Variants in PPP2R5D observed in about 807,000 individuals in gnomAD.
PPP2R5D encodes the protein serine/threonine-protein phosphatase 2A 56 kDa regulatory subunit delta isoform.
PPP2R5D carries 12 observed loss-of-function variants against 79.1 expected under a neutral mutation model. That is an observed-to-expected ratio of 0.15 (90% CI 0.10 to 0.25). The LOEUF is 0.25. Ranked by LOEUF, PPP2R5D falls within the 10% of genes least tolerant of loss-of-function variation. The pLI is 1.00. For missense variants in PPP2R5D, 419 were observed against 760.2 expected, an observed-to-expected ratio of 0.55 and a Z score of 5.28; for synonymous variants, 277 against 286.6, an observed-to-expected ratio of 0.97 and a Z score of 0.34.
At position 43,010,893 on chromosome 6, in the gene PPP2R5D, C is replaced by T. The variant is rs374997642; in HGVS notation, c.1567C>T (p.Arg523Ter). The T allele has an allele frequency of 3.7e-6, 6 of 1,613,450 alleles. No homozygotes were observed. Among genetic ancestry groups the T allele is most frequent in the Non-Finnish European group, 5.1e-6 (6 of 1,179,660 alleles). ...TCTCCTCACTCAGTATCCCATGTTC[C>T]GAGCCCCTCCACCACTGCCCCCTGT... is the stretch of plus-strand genomic sequence containing the variant. ...ARLNPQYPMFRAPPPLPPVYS... is the reference protein window; with the variant it reads ...ARLNPQYPMF Residue 523 changes from arginine (R) to a stop codon, truncating the protein, a stop_gained, in exon 15 of 16, where the codon CGA becomes TGA. Transcript: ENST00000485511. LOFTEE classifies it high-confidence loss of function. This position sits in a 1 kb window ranked among gnomAD's most constrained non-coding sequence, Gnocchi z 4.7.
At position 43,008,840 on chromosome 6, in the gene PPP2R5D, G is replaced by C. The variant is rs1383963890; in HGVS notation, c.1080+94G>C. The stretch of plus-strand genomic sequence containing the variant: ...GGGGGTGCCATAAGGGGGAACTCAG[G>C]AGGGCTGTGACCTGACCGGTAACAT... On this transcript the variant is annotated intron_variant, in intron 10 of 15. Coordinates refer to ENST00000485511, the MANE Select transcript of PPP2R5D (RefSeq NM_006245.4). This position sits in a 1 kb window ranked among gnomAD's most constrained non-coding sequence, Gnocchi z 4.2. 7.0e-7 allele frequency: 1 copy of C among 1,430,470 alleles called. No individual in the cohort carries two copies. Among genetic ancestry groups the C allele is most frequent in the East Asian group, 2.4e-5 (1 of 41,904 alleles). 88.6% of individuals were successfully genotyped at this position (1,430,470 alleles called of 1,614,324 possible).
At chr6:42,989,245 C>T (rs550688090) in intron 1 of PPP2R5D, among the ~76,000 whole-genome samples, 7 of 152,296 alleles carry the variant, frequency 4.6e-5, no homozygotes, top group African/African-American at 1.2e-4. Context: ...ACCACTTTAG[C>T]CAGAAACCAG....
chr6:43,011,056 CAG>C, intron 15 of PPP2R5D, 59 bp downstream of exon 15: 1 of 1,608,766 alleles, frequency 6.2e-7, no homozygotes, highest in Non-Finnish European at 8.5e-7. Context: ...GGAGAGGAGA[CAG>C]AAACAGCAGA....
In PPP2R5D at chr6:43,002,257, G is replaced by A. The variant is rs193233914; in HGVS notation, c.106-4206G>A. ...CAGCTCACTGCAACCTCTGCCTCCCGAGTTCAAGAGATTCTCCTGCCCCAG... is the reference window on the plus strand; with the variant it reads ...CAGCTCACTGCAACCTCTGCCTCCCAAGTTCAAGAGATTCTCCTGCCCCAG... On this transcript the variant is annotated intron_variant, in intron 2 of 15. Coordinates refer to ENST00000485511, the MANE Select transcript of PPP2R5D (RefSeq NM_006245.4). Among the ~76,000 whole-genome samples the A allele has an allele frequency of 3.2e-3, 488 of 151,352 alleles. 2 individuals are homozygous for A. Among genetic ancestry groups the A allele is most frequent in the African/African-American group, 0.011 (468 of 41,240 alleles).
At chr6:43,001,519 T>C (rs567346024) in intron 2 of PPP2R5D, among the ~76,000 whole-genome samples, 1 of 152,266 alleles carries the variant, frequency 6.6e-6, no homozygotes, top group African/African-American at 2.4e-5. Flanking sequence ...GATTCTAGGC[T>C]GCATTCCTAA....
At position 43,008,093 on chromosome 6, in the gene PPP2R5D, C is replaced by CA; in HGVS notation, c.857+32dup. The CA allele has an allele frequency of 6.2e-7, 1 of 1,613,880 alleles. No individual in the cohort carries two copies. Among genetic ancestry groups the CA allele is most frequent in the Non-Finnish European group, 8.5e-7 (1 of 1,179,822 alleles). On this transcript the variant is annotated intron_variant, in intron 7 of 15. Coordinates refer to ENST00000485511, the MANE Select transcript of PPP2R5D (RefSeq NM_006245.4). The surrounding 1 kb of genome is among the most constrained non-coding windows in gnomAD (Gnocchi z 4.2). The stretch of plus-strand genomic sequence containing the variant: ...GAGGCCAGGAGCCCAGGCTTAGGAG[C>CA]AAAACCTTCTGCTACTGAGGTGGGG...
Position 43,012,331 on chromosome 6 carries a change from G to A in PPP2R5D, c.*1045G>A. On this transcript the variant is annotated 3_prime_UTR_variant, in exon 16 of 16. Coordinates refer to ENST00000485511, the MANE Select transcript of PPP2R5D (RefSeq NM_006245.4). ...CATATGTACAGAACTGAATAAAGTG[G>A]GTCTCTGAGAAGTCTGATGTGCCTT... is the stretch of plus-strand genomic sequence containing the variant. 2.7e-6 allele frequency: 4 copies of A among 1,470,078 alleles called. No homozygotes were observed. The South Asian group carries it at 5.9e-5, about 22-fold the overall frequency. 91.1% of individuals were successfully genotyped at this position (1,470,078 alleles called of 1,614,324 possible). A position where few individuals can be genotyped will look rare whatever the true frequency, so the allele number is the denominator to read the frequency against.
chr6:43,012,246 G>A lies in PPP2R5D; in HGVS notation c.*960G>A. 4 of 1,271,546 alleles carry A rather than the reference G, an allele frequency of 3.1e-6. No individual in the cohort carries two copies. Among genetic ancestry groups the A allele is most frequent in the Non-Finnish European group, 4.0e-6 (4 of 1,006,732 alleles). 78.8% of individuals were successfully genotyped at this position (1,271,546 alleles called of 1,614,324 possible). ...TGCGGCTTTTGGCTGTGTACATAGGGTGCTTTATTCTCCACAGAGTGATAC... is the reference window on the plus strand; with the variant it reads ...TGCGGCTTTTGGCTGTGTACATAGGATGCTTTATTCTCCACAGAGTGATAC... On this transcript the variant is annotated 3_prime_UTR_variant, in exon 16 of 16. Transcript: ENST00000485511.
chr6:43,010,615 T>A lies in PPP2R5D; in HGVS notation c.1481+46T>A. 1 of 1,613,056 alleles carries A rather than the reference T, an allele frequency of 6.2e-7. No homozygotes were observed. Among genetic ancestry groups the A allele is most frequent in the Non-Finnish European group, 8.5e-7 (1 of 1,179,006 alleles). ...GAGACTTTCATCTTCTACCACCAGC[T>A]CACTGTGTTTCTCTCAAGCCCAACC... On this transcript the variant is annotated intron_variant, in intron 13 of 15. Coordinates refer to ENST00000485511, the MANE Select transcript of PPP2R5D (RefSeq NM_006245.4). The surrounding 1 kb of genome is among the most constrained non-coding windows in gnomAD (Gnocchi z 4.7).
chr6:42,991,735 C>T (rs941344099), intron 2 of PPP2R5D, among the ~76,000 whole-genome samples: 1 of 152,184 alleles, frequency 6.6e-6, no homozygotes, highest in African/African-American at 2.4e-5. Flanking sequence ...TAGGGTCTAA[C>T]GTTATCAGTT....
Position 43,007,400 on chromosome 6 carries a change from CT to C in PPP2R5D, c.634-10del. On this transcript the variant is annotated splice_polypyrimidine_tract_variant and intron_variant, in intron 5 of 15. Transcript: ENST00000485511. The surrounding 1 kb of genome is among the most constrained non-coding windows in gnomAD (Gnocchi z 4.5). ...TGGGAACATCCCCTCAGTGGCGTGCCTTTTCCCCTATAGCTCGTGTATGAGT... is the reference window on the plus strand; with the variant it reads ...TGGGAACATCCCCTCAGTGGCGTGCCTTTCCCCTATAGCTCGTGTATGAGT... 1 of 1,609,896 alleles carries C rather than the reference CT, an allele frequency of 6.2e-7. No homozygotes were observed. Among genetic ancestry groups the C allele is most frequent in the Non-Finnish European group, 8.5e-7 (1 of 1,176,122 alleles).
rs1762344424 is a variant in PPP2R5D at position 43,011,334 on chromosome 6, A to G, written c.*48A>G. On this transcript the variant is annotated 3_prime_UTR_variant, in exon 16 of 16. Coordinates refer to ENST00000485511, the MANE Select transcript of PPP2R5D (RefSeq NM_006245.4). The stretch of plus-strand genomic sequence containing the variant: ...GCCACAGCCCACACAGCCCTGGGAC[A>G]CTGCCCTGGCCCTCCATACTCTGCT... 1 of 1,610,090 alleles carries G rather than the reference A, an allele frequency of 6.2e-7. No homozygotes were observed. The highest frequency in any genetic ancestry group is 2.2e-5 in the East Asian group (1 of 44,846).
intron 2 of PPP2R5D, among the ~76,000 whole-genome samples, chr6:42,995,635 C>T (rs1451361183): frequency 1.3e-5 from 2 of 151,844 alleles, no homozygotes; most frequent in African/African-American, 2.4e-5. Flanking sequence ...TCACTGCAAC[C>T]CCTGCCTCCC....
rs752770370 is a variant in PPP2R5D at position 43,008,275 on chromosome 6, G to T, written c.917+15G>T. 5.6e-6 allele frequency: 9 copies of T among 1,614,172 alleles called. No homozygotes were observed. Among genetic ancestry groups the T allele is most frequent in the Non-Finnish European group, 7.6e-6 (9 of 1,180,026 alleles). The stretch of plus-strand genomic sequence containing the variant: ...ATCCTGGGCAGGTGAGAGGCCGGGT[G>T]GGGGCACAGATGCCTGAAAAAGGTT... On this transcript the variant is annotated intron_variant, in intron 8 of 15. Coordinates refer to ENST00000485511, the MANE Select transcript of PPP2R5D (RefSeq NM_006245.4). This position sits in a 1 kb window ranked among gnomAD's most constrained non-coding sequence, Gnocchi z 4.2.
chr6:42,985,926 C>T (rs1010788158), intron 1 of PPP2R5D, among the ~76,000 whole-genome samples: 4 of 152,056 alleles, frequency 2.6e-5, no homozygotes, highest in Non-Finnish European at 5.9e-5. Context: ...TACAGGCATG[C>T]GCCACCACAT....
intron 2 of PPP2R5D, among the ~76,000 whole-genome samples, chr6:42,992,399 C>A (rs376430900): frequency 6.6e-6 from 1 of 152,164 alleles, no homozygotes; most frequent in Non-Finnish European, 1.5e-5. Context: ...GCTCTTCTAG[C>A]CAGCTTTGCT....
intron 2 of PPP2R5D, among the ~76,000 whole-genome samples, chr6:42,994,350 T>C (rs1024887857): frequency 8.5e-5 from 13 of 152,190 alleles, no homozygotes; most frequent in African/African-American, 2.9e-4. Context: ...GAGCTGGAAT[T>C]CAACCCAGGT....
chr6:42,989,570 T>G (rs1418981167), intron 1 of PPP2R5D, 41 bp from the exon 2 acceptor site: 1 of 1,515,808 alleles, frequency 6.6e-7, no homozygotes, highest in East Asian at 2.3e-5. Context: ...CTCTCCCTTC[T>G]CCTGGCATCT....
chr6:43,008,968 A>C lies in PPP2R5D; in HGVS notation c.1081-89A>C, dbSNP rs1204794812. ...TGAGATCACCCAAACTGTGCCCACC[A>C]GGGTGGGGGAGAGAGCAGGTAGGAA... is the stretch of plus-strand genomic sequence containing the variant. On this transcript the variant is annotated intron_variant, in intron 10 of 15. Coordinates refer to ENST00000485511, the MANE Select transcript of PPP2R5D (RefSeq NM_006245.4). The surrounding 1 kb of genome is among the most constrained non-coding windows in gnomAD (Gnocchi z 4.2). The C allele has an allele frequency of 2.1e-6, 3 of 1,457,142 alleles. No homozygotes were observed. The highest frequency in any genetic ancestry group is 1.4e-5 in the African/African-American group (1 of 71,236). 90.3% of individuals were successfully genotyped at this position (1,457,142 alleles called of 1,614,324 possible).
Sources: allele counts gnomAD v4.1 joint callset (sites outside exome capture counted in the v4.1 genomes callset), GRCh38; gene constraint gnomAD v4.1.1; non-coding constraint Gnocchi (gnomAD v3.1); transcripts MANE v1.5; gene names NCBI Gene and HGNC (gene_info 2026-07-23, HGNC 2026-07-21).